The following NCALD variants were observed in gnomAD, a reference collection of about 807,000 sequenced individuals.
The protein encoded by NCALD is neurocalcin delta, also known as neurocalcin-delta.
In NCALD, 10 loss-of-function variants were observed where a neutral mutation model predicts 18.6. That is an observed-to-expected ratio of 0.54 (90% CI 0.33 to 0.91). NCALD has a LOEUF of 0.91. Ranked by LOEUF, NCALD falls within the 40% of genes least tolerant of loss-of-function variation. The pLI is 0.03. For missense variants in NCALD, 184 were observed against 247.6 expected (o/e 0.74, Z 1.72); for synonymous variants, 88 against 87.4 (o/e 1.01, Z -0.04).
chr8:101,939,417 C>T (rs973702447), intron 2 of NCALD, among the ~76,000 whole-genome samples: 2 of 152,160 alleles, frequency 1.3e-5, no homozygotes, highest in African/African-American at 4.8e-5. Context: ...GTACATGAAC[C>T]CGTGGCAAGC....
chr8:102,005,901 G>A (rs1325087076), intron 2 of NCALD, among the ~76,000 whole-genome samples: 1 of 140,232 alleles, frequency 7.1e-6, no homozygotes, highest in African/African-American at 2.6e-5. Context: ...CAGGGGGGAG[G>A]GATAGCATTA....
At chr8:101,975,725 C>T (rs1335959778) in intron 2 of NCALD, among the ~76,000 whole-genome samples, 1 of 152,224 alleles carries the variant, frequency 6.6e-6, no homozygotes, top group East Asian at 1.9e-4. Context: ...AAAGCTCTCA[C>T]ATAAATGTCC....
chr8:102,093,115 C>T (rs548064671), intron 1 of NCALD, among the ~76,000 whole-genome samples: 1 of 151,994 alleles, frequency 6.6e-6, no homozygotes, highest in South Asian at 2.1e-4. Context: ...GCCATGATCA[C>T]ACCACTGCAC....
intron 1 of NCALD, among the ~76,000 whole-genome samples, chr8:101,727,615 C>T (rs1031650750): frequency 3.3e-5 from 5 of 152,192 alleles, no homozygotes; most frequent in Admixed American, 1.3e-4. Flanking sequence ...TGTGTAGCTG[C>T]GACTACAGAT....
rs144431054 is a variant in NCALD, at chr8:101,847,362, G to A, written c.-20+39779C>T. ...CACGCTCATGAGCTACAACAGGATCGCCCTTCCCTTCTTCTTTAGTGGGAT... is the reference window on the plus strand; with the variant it reads ...CACGCTCATGAGCTACAACAGGATCACCCTTCCCTTCTTCTTTAGTGGGAT... On this transcript the variant is annotated intron_variant, in intron 4 of 6. Transcript: ENST00000311028. 1,720 of 221,418 alleles carry A rather than the reference G, an allele frequency of 7.8e-3. 17 individuals are homozygous for A. Among genetic ancestry groups the A allele is most frequent in the Non-Finnish European group, 0.012 (1,227 of 104,984 alleles). The allele number at this position is 221,418 out of a possible 1,614,324, so 13.7% of individuals were successfully genotyped here.
At chr8:102,039,908 C>G (rs1473376401) in intron 1 of NCALD, among the ~76,000 whole-genome samples, 3 of 152,176 alleles carry the variant, frequency 2.0e-5, no homozygotes, top group African/African-American at 7.2e-5. Context: ...CATGCCTGAT[C>G]CCCTTCACTT....
At chr8:102,042,909 T>G (rs1379652453) in intron 1 of NCALD, among the ~76,000 whole-genome samples, 1 of 151,846 alleles carries the variant, frequency 6.6e-6, no homozygotes, top group Non-Finnish European at 1.5e-5. Flanking sequence ...CAAGGCTATC[T>G]AACAACAGTG....
intron 4 of NCALD, among the ~76,000 whole-genome samples, chr8:101,882,875 A>G (rs746229612): frequency 7.9e-5 from 12 of 152,210 alleles, no homozygotes; most frequent in Non-Finnish European, 1.3e-4. Context: ...ATAAGTTTCC[A>G]GGCATGTATT....
At chr8:102,000,058 A>T (rs1452108015) in intron 2 of NCALD, among the ~76,000 whole-genome samples, 4 of 152,206 alleles carry the variant, frequency 2.6e-5, no homozygotes, top group Admixed American at 6.5e-5. Context: ...GGTCCAGCGC[A>T]CCGAGCGTGA....
At chr8:101,900,268 A>C (rs886182454) in intron 3 of NCALD, among the ~76,000 whole-genome samples, 9 of 151,788 alleles carry the variant, frequency 5.9e-5, no homozygotes, top group Admixed American at 5.9e-4. Context: ...AGTGTTGCTG[A>C]AGGTTTATCA....
At chr8:101,741,895 C>T (rs116411657) in intron 1 of NCALD, among the ~76,000 whole-genome samples, 2,511 of 146,864 alleles carry the variant, frequency 0.017, 28 homozygotes, top group Middle Eastern at 0.082. Context: ...CATGATGGCA[C>T]CACTGCACTC....
chr8:102,055,875 A>G (rs1586990796), intron 1 of NCALD, among the ~76,000 whole-genome samples: 1 of 152,114 alleles, frequency 6.6e-6, no homozygotes, highest in Admixed American at 6.5e-5. Flanking sequence ...TTAAAGCCTC[A>G]TTTTTCCTGC....
intron 2 of NCALD, among the ~76,000 whole-genome samples, chr8:101,936,356 G>A (rs1818763536): frequency 6.6e-6 from 1 of 152,112 alleles, no homozygotes; most frequent in Non-Finnish European, 1.5e-5. Flanking sequence ...GCGAGGTACT[G>A]AAGGCATATG....
chr8:101,878,953 A>C (rs1454712652), intron 4 of NCALD, among the ~76,000 whole-genome samples: 2 of 152,262 alleles, frequency 1.3e-5, no homozygotes, highest in African/African-American at 4.8e-5. Context: ...AGAGTCTAAG[A>C]CAGCACCACT....
chr8:101,772,948 A>G (rs1446026700), intron 1 of NCALD, among the ~76,000 whole-genome samples: 1 of 152,200 alleles, frequency 6.6e-6, no homozygotes, highest in Non-Finnish European at 1.5e-5. Flanking sequence ...AGTAGACCCT[A>G]GTATATTATA....
At chr8:102,102,244 G>C (rs1287917188) in intron 1 of NCALD, among the ~76,000 whole-genome samples, 1 of 152,120 alleles carries the variant, frequency 6.6e-6, no homozygotes, top group Non-Finnish European at 1.5e-5. Flanking sequence ...AAAAAATTGT[G>C]TCCATCCTCC....
At chr8:101,887,513 T>G (rs1266507295) in intron 3 of NCALD, among the ~76,000 whole-genome samples, 1 of 152,130 alleles carries the variant, frequency 6.6e-6, no homozygotes, top group East Asian at 1.9e-4. Context: ...ACGCAGGCAA[T>G]TTATTACAGG....
At chr8:102,063,688 C>A (rs1823916579) in intron 1 of NCALD, among the ~76,000 whole-genome samples, 1 of 152,060 alleles carries the variant, frequency 6.6e-6, no homozygotes, top group African/African-American at 2.4e-5. Flanking sequence ...AGGAAATAGA[C>A]CAGAAAGATT....
chr8:101,805,085 T>A (rs1214605450), intron 4 of NCALD, among the ~76,000 whole-genome samples: 1 of 152,168 alleles, frequency 6.6e-6, no homozygotes, highest in Non-Finnish European at 1.5e-5. Context: ...CTTGTGAAAA[T>A]ACTTTTTAAA....
Sources: gnomAD v4.1 joint callset for allele counts (sites outside exome capture counted in the v4.1 genomes callset) on GRCh38, gnomAD v4.1.1 for gene constraint, MANE v1.5 for transcripts, NCBI Gene and HGNC (gene_info 2026-07-23, HGNC 2026-07-21) for gene names.